GTF2F2: variants seen among roughly 807,000 people sequenced by gnomAD.
The protein encoded by GTF2F2 is ATP-dependent helicase GTF2F2.
Under a neutral mutation model 42.2 loss-of-function variants are expected in GTF2F2, and 23 were observed. The observed-to-expected ratio is 0.55, with a 90% confidence interval of 0.39 to 0.77. The LOEUF is 0.77. Among genes scored for constraint, GTF2F2 ranks in the 30% least tolerant of loss-of-function variants. The probability of loss-of-function intolerance (pLI) is 0.00; values close to 1 mark genes in which losing one functional copy is unlikely to be tolerated. For missense variants in GTF2F2, 261 were observed against 287.2 expected (o/e 0.91, Z 0.66); for synonymous variants, 105 against 100.8 (o/e 1.04, Z -0.25).
intron 6 of GTF2F2, among the ~76,000 whole-genome samples, chr13:45,264,265 ATTTTTTATTTTTAT>A (rs1268965140): frequency 2.6e-5 from 4 of 151,216 alleles, no homozygotes; most frequent in Admixed American, 6.6e-5. Context: ...TTTATTTTTT[ATTTTTTATTTTTAT>A]TTTTTTATTT....
rs867559181 is a variant in GTF2F2, at chr13:45,167,396, A to T, written c.304+15565A>T. ...CACACCCAGCTAATTTCACCCAGCT[A>T]TTTTTTTTTTTTTTTTTTTTGAGAT... On this transcript the variant is annotated intron_variant, in intron 4 of 7. Transcript: ENST00000340473. 6.2e-3 allele frequency among the ~76,000 whole-genome samples: 646 copies of T among 104,204 alleles called. 4 individuals carry two copies. The highest frequency in any genetic ancestry group is 0.023 in the African/African-American group (615 of 26,248). The allele number at this position is 104,204 out of a possible 152,430, so 68.4% of individuals were successfully genotyped here. A position where few individuals can be genotyped will look rare whatever the true frequency, so the allele number is the denominator to read the frequency against.
intron 4 of GTF2F2, among the ~76,000 whole-genome samples, chr13:45,202,773 T>G (rs1461932492): frequency 6.6e-6 from 1 of 152,048 alleles, no homozygotes; most frequent in East Asian, 1.9e-4. Context: ...GTTACCATGG[T>G]GAAACCCTGG....
intron 5 of GTF2F2, 75 bp from the exon 6 acceptor site, chr13:45,252,796 A>G: frequency 1.5e-6 from 1 of 671,942 alleles, no homozygotes; most frequent in South Asian, 1.9e-5. Flanking sequence ...TTGAATAAGA[A>G]TTATAGAAAT....
intron 4 of GTF2F2, among the ~76,000 whole-genome samples, chr13:45,169,791 A>C (rs1871502492): frequency 6.6e-6 from 1 of 152,196 alleles, no homozygotes; most frequent in Non-Finnish European, 1.5e-5. Flanking sequence ...TCCAGTATCA[A>C]ATTTTCTAGA....
At chr13:45,240,322 G>A (rs1169408679) in intron 5 of GTF2F2, among the ~76,000 whole-genome samples, 1 of 151,866 alleles carries the variant, frequency 6.6e-6, no homozygotes, top group Non-Finnish European at 1.5e-5. Flanking sequence ...GCTGCTTCTA[G>A]TAATAACTCT....
intron 1 of GTF2F2, among the ~76,000 whole-genome samples, chr13:45,121,653 C>T (rs1868638878): frequency 6.6e-6 from 1 of 152,132 alleles, no homozygotes; most frequent in South Asian, 2.1e-4. Flanking sequence ...AGTTGGTTAC[C>T]TCTGTCTTTC....
chr13:45,241,192 T>C (rs1875284781), intron 5 of GTF2F2, among the ~76,000 whole-genome samples: 1 of 149,356 alleles, frequency 6.7e-6, no homozygotes, highest in South Asian at 2.1e-4. Context: ...AAAATATATA[T>C]ATATATATAT....
At chr13:45,128,187 C>G (rs1322369390) in intron 1 of GTF2F2, among the ~76,000 whole-genome samples, 1 of 146,656 alleles carries the variant, frequency 6.8e-6, no homozygotes, top group African/African-American at 2.5e-5. Flanking sequence ...GTCTTGATCT[C>G]CTGACCTCGT....
chr13:45,235,485 T>G (rs7996712), intron 5 of GTF2F2, among the ~76,000 whole-genome samples: 54,774 of 151,810 alleles, frequency 0.36, 13,624 homozygotes, highest in African/African-American at 0.71. Flanking sequence ...CTTTTTTTTT[T>G]TTTCTAATGT....
At chr13:45,231,090 A>T (rs773923847) in intron 5 of GTF2F2, among the ~76,000 whole-genome samples, 3 of 151,306 alleles carry the variant, frequency 2.0e-5, no homozygotes, top group Non-Finnish European at 4.4e-5. Context: ...TCTTCTATTT[A>T]TTTATTTTTT....
intron 4 of GTF2F2, among the ~76,000 whole-genome samples, chr13:45,205,371 T>G (rs1226801906): frequency 6.6e-6 from 1 of 152,082 alleles, no homozygotes; most frequent in Non-Finnish European, 1.5e-5. Context: ...TCCAGTCACT[T>G]CCCTCCCTTG....
intron 5 of GTF2F2, among the ~76,000 whole-genome samples, chr13:45,250,216 A>G (rs1875822204): frequency 6.6e-6 from 1 of 151,742 alleles, no homozygotes; most frequent in South Asian, 2.1e-4. Flanking sequence ...TACCATGCCC[A>G]GTTCATTTTT....
intron 5 of GTF2F2, among the ~76,000 whole-genome samples, chr13:45,220,666 A>G (rs1327231883): frequency 6.6e-6 from 1 of 152,118 alleles, no homozygotes; most frequent in Admixed American, 6.6e-5. Context: ...AGATGGACAG[A>G]AAAAGGAATA....
chr13:45,240,994 T>A (rs371021846), intron 5 of GTF2F2, among the ~76,000 whole-genome samples: 48 of 117,832 alleles, frequency 4.1e-4, no homozygotes, highest in African/African-American at 1.6e-3. Flanking sequence ...AAAAAAAAAA[T>A]TAGAAAAAAT....
At chr13:45,229,605 C>T (rs933093779) in intron 5 of GTF2F2, among the ~76,000 whole-genome samples, 2 of 151,486 alleles carry the variant, frequency 1.3e-5, no homozygotes, top group Non-Finnish European at 2.9e-5. Context: ...TGTGAAGAAT[C>T]CAGTGTGAAG....
chr13:45,184,247 G>A (rs1227263009), intron 4 of GTF2F2, among the ~76,000 whole-genome samples: 3 of 152,050 alleles, frequency 2.0e-5, no homozygotes, highest in South Asian at 4.1e-4. Flanking sequence ...TGATTTCTTC[G>A]CAGGAAAGAG....
chr13:45,160,698 A>G (rs1870995213), intron 4 of GTF2F2, among the ~76,000 whole-genome samples: 1 of 152,158 alleles, frequency 6.6e-6, no homozygotes, highest in Non-Finnish European at 1.5e-5. Context: ...TGATAGGTAC[A>G]AGTTCTTCAG....
chr13:45,283,592 G>A lies in GTF2F2; in HGVS notation c.*31G>A, dbSNP rs375143418. 24 of 1,562,386 alleles carry A rather than the reference G, an allele frequency of 1.5e-5. No homozygotes were observed. Among genetic ancestry groups the A allele is most frequent in the African/African-American group, 1.4e-4 (10 of 72,792 alleles). Reference sequence around the variant, plus strand: ...CTCCTAGCCAGCATGCTAGTGAAACGACTAGCAGCGATGCTATGCAAAAGG... The same window carrying A: ...CTCCTAGCCAGCATGCTAGTGAAACAACTAGCAGCGATGCTATGCAAAAGG... On this transcript the variant is annotated 3_prime_UTR_variant, in exon 8 of 8. Coordinates refer to ENST00000340473, the MANE Select transcript of GTF2F2 (RefSeq NM_004128.3).
intron 7 of GTF2F2, among the ~76,000 whole-genome samples, chr13:45,276,439 CT>C (rs61148455): frequency 8.5e-4 from 122 of 144,132 alleles, no homozygotes; most frequent in Non-Finnish European, 9.9e-4. Flanking sequence ...AACTGCTAGA[CT>C]TTTTTTTTTT....
Sources: gnomAD v4.1 joint callset for allele counts (sites outside exome capture counted in the v4.1 genomes callset) on GRCh38, gnomAD v4.1.1 for gene constraint, MANE v1.5 for transcripts, NCBI Gene and HGNC (gene_info 2026-07-23, HGNC 2026-07-21) for gene names.